CNTN1: variants seen among roughly 807,000 people sequenced by gnomAD.
The protein encoded by CNTN1 is contactin 1, also known as contactin-1.
In CNTN1, 38 loss-of-function variants were observed where a neutral mutation model predicts 126.4. That is an observed-to-expected ratio of 0.30 (90% confidence interval 0.23 to 0.39). The LOEUF is 0.39. CNTN1 is among the 10% of genes least tolerant of loss of function. The pLI is 1.00. For missense variants in CNTN1, 1,009 were observed against 1,248.4 expected (o/e 0.81, Z 2.89); for synonymous variants, 413 against 422.6 (o/e 0.98, Z 0.28).
At chr12:40,693,749 G>A (rs1407429026) in intron 1 of CNTN1, among the ~76,000 whole-genome samples, 2 of 152,108 alleles carry the variant, frequency 1.3e-5, no homozygotes, top group African/African-American at 4.8e-5. Flanking sequence ...GGCTGCCTTG[G>A]CCTTCTCAAG....
chr12:40,918,847 A>G, intron 4 of CNTN1, 76 bp downstream of exon 4: 2 of 1,547,488 alleles, frequency 1.3e-6, no homozygotes, highest in Non-Finnish European at 1.8e-6. Flanking sequence ...GAACTTGTAC[A>G]GATGTAATAT....
At chr12:40,851,740 AT>A (rs1942722197) in intron 1 of CNTN1, among the ~76,000 whole-genome samples, 1 of 151,814 alleles carries the variant, frequency 6.6e-6, no homozygotes, top group South Asian at 2.1e-4. Context: ...CACCTCTCAA[AT>A]CTGCCTCCCC....
chr12:40,725,895 T>C (rs1247680568), intron 1 of CNTN1, among the ~76,000 whole-genome samples: 1 of 151,566 alleles, frequency 6.6e-6, no homozygotes, highest in Non-Finnish European at 1.5e-5. Flanking sequence ...TACATAGGCG[T>C]TTAGTAGGCA....
At chr12:40,951,188 T>C (rs1183597470) in intron 14 of CNTN1, among the ~76,000 whole-genome samples, 1 of 152,136 alleles carries the variant, frequency 6.6e-6, no homozygotes, top group Admixed American at 6.5e-5. Flanking sequence ...GAAAATGGTC[T>C]TTTGAGTTTT....
chr12:40,874,053 A>T (rs183137354), intron 1 of CNTN1, among the ~76,000 whole-genome samples: 11 of 152,188 alleles, frequency 7.2e-5, no homozygotes, highest in Non-Finnish European at 1.5e-4. Context: ...TATTTAGTAA[A>T]TGCCTACCAT....
At chr12:40,938,647 T>C (rs1946161805) in intron 11 of CNTN1, among the ~76,000 whole-genome samples, 1 of 152,234 alleles carries the variant, frequency 6.6e-6, no homozygotes, top group African/African-American at 2.4e-5. Context: ...TAGGACCATA[T>C]GTCAGTGTGT....
At chr12:40,983,943 T>C (rs1355329444) in intron 16 of CNTN1, among the ~76,000 whole-genome samples, 1 of 146,284 alleles carries the variant, frequency 6.8e-6, no homozygotes, top group Non-Finnish European at 1.5e-5. Context: ...TGCTATGTCA[T>C]ATATAGTAAT....
At chr12:40,931,172 A>C (rs1945871994) in intron 7 of CNTN1, among the ~76,000 whole-genome samples, 2 of 151,852 alleles carry the variant, frequency 1.3e-5, no homozygotes, top group African/African-American at 4.8e-5. Flanking sequence ...TTATCTCTGC[A>C]TATTCTCTTG....
chr12:40,808,604 T>A (rs1282625254), intron 1 of CNTN1, among the ~76,000 whole-genome samples: 1 of 152,192 alleles, frequency 6.6e-6, no homozygotes, highest in African/African-American at 2.4e-5. Flanking sequence ...TAATGATGAC[T>A]GTGATTTTTT....
chr12:40,770,160 T>C (rs1307732711), intron 1 of CNTN1, among the ~76,000 whole-genome samples: 1 of 152,074 alleles, frequency 6.6e-6, no homozygotes. Context: ...AGCAATCAAC[T>C]TTTTTTAGCG....
At chr12:40,916,780 T>C (rs1945260508) in intron 3 of CNTN1, among the ~76,000 whole-genome samples, 1 of 152,052 alleles carries the variant, frequency 6.6e-6, no homozygotes, top group African/African-American at 2.4e-5. Context: ...TGTTCCTTTC[T>C]TTTCTGAATG....
At chr12:40,956,461 GA>G (rs1424124094) in intron 14 of CNTN1, among the ~76,000 whole-genome samples, 2 of 152,068 alleles carry the variant, frequency 1.3e-5, no homozygotes, top group Non-Finnish European at 2.9e-5. Flanking sequence ...ACAGAAAATG[GA>G]AAGACTTGCT....
intron 1 of CNTN1, among the ~76,000 whole-genome samples, chr12:40,901,229 CTA>C (rs1281297455): frequency 4.6e-5 from 7 of 152,102 alleles, no homozygotes; most frequent in Non-Finnish European, 7.4e-5. Context: ...TTTAAATTCT[CTA>C]TGTTTTAGTA....
At chr12:40,976,054 A>T (rs770221959) in intron 15 of CNTN1, among the ~76,000 whole-genome samples, 32 of 152,166 alleles carry the variant, frequency 2.1e-4, no homozygotes, top group Non-Finnish European at 4.3e-4. Flanking sequence ...TAAAAGCATA[A>T]AACAAAAAGC....
intron 1 of CNTN1, among the ~76,000 whole-genome samples, chr12:40,768,758 T>A (rs1435082326): frequency 6.6e-6 from 1 of 152,234 alleles, no homozygotes; most frequent in Non-Finnish European, 1.5e-5. Flanking sequence ...AAAGGCTGAC[T>A]TCTCTGAATG....
At chr12:40,901,660 G>A (rs1944612080) in intron 1 of CNTN1, among the ~76,000 whole-genome samples, 1 of 152,178 alleles carries the variant, frequency 6.6e-6, no homozygotes, top group Admixed American at 6.6e-5. Flanking sequence ...GAGGGGCTAA[G>A]GCTGTTGCCA....
chr12:41,045,973 A>G (rs958190890), intron 23 of CNTN1, among the ~76,000 whole-genome samples: 1 of 152,106 alleles, frequency 6.6e-6, no homozygotes, highest in African/African-American at 2.4e-5. Context: ...AGTGAAGGTT[A>G]TTGAAGGTTA....
intron 15 of CNTN1, among the ~76,000 whole-genome samples, chr12:40,975,178 T>TTATATA (rs58939653): frequency 9.6e-3 from 463 of 48,020 alleles, no homozygotes; most frequent in Non-Finnish European, 0.013. Flanking sequence ...GTAAAATGGA[T>TTATATA]TATATATATA....
At chr12:41,001,066 C>A (rs1046461173) in intron 17 of CNTN1, among the ~76,000 whole-genome samples, 2 of 152,090 alleles carry the variant, frequency 1.3e-5, no homozygotes, top group Admixed American at 1.3e-4. Context: ...CATGTCATTG[C>A]TATTGTGAAT....
Sources: allele counts gnomAD v4.1 joint callset (sites outside exome capture counted in the v4.1 genomes callset), GRCh38; gene constraint gnomAD v4.1.1; transcripts MANE v1.5; gene names NCBI Gene and HGNC (gene_info 2026-07-23, HGNC 2026-07-21).